ADAMTS16: variants seen among roughly 807,000 people sequenced by gnomAD.
ADAMTS16 encodes the protein ADAM metallopeptidase with thrombospondin type 1 motif 16, also known as A disintegrin and metalloproteinase with thrombospondin motifs 16.
In ADAMTS16, 94 loss-of-function variants were observed where a neutral mutation model predicts 145.8. That is an observed-to-expected ratio of 0.64 (90% CI 0.55 to 0.77). ADAMTS16 has a LOEUF of 0.77. Ranked by LOEUF, ADAMTS16 falls within the 30% of genes least tolerant of loss-of-function variation. The pLI, the probability that ADAMTS16 is intolerant of heterozygous loss-of-function variation, is 0.00. For synonymous variants in ADAMTS16, 659 were observed against 604.3 expected (o/e 1.09, Z -1.33); for missense variants, 1,585 against 1,591.5 (o/e 1.00, Z 0.07).
intron 10 of ADAMTS16, among the ~76,000 whole-genome samples, chr5:5,215,866 A>ATGTGTGTG (rs1299495343): frequency 9.9e-5 from 5 of 50,582 alleles, no homozygotes; most frequent in Admixed American, 2.5e-4. Flanking sequence ...TGTGGTGTGT[A>ATGTGTGTG]TGTGTATATA....
Position 5,218,458 on chromosome 5 carries a change from G to C in ADAMTS16, c.1606-4331G>C, listed in dbSNP as rs571002976. Reference sequence around the variant, plus strand: ...ACTCTTGGGCTCCGGCCCCACGGCAGCCTCTAGGAGTGGGTGTCTGCAACT... The same window carrying C: ...ACTCTTGGGCTCCGGCCCCACGGCACCCTCTAGGAGTGGGTGTCTGCAACT... On this transcript the variant is annotated intron_variant, in intron 10 of 22. Transcript: ENST00000274181. 1.2e-4 allele frequency among the ~76,000 whole-genome samples: 19 copies of C among 152,298 alleles called. No homozygotes were observed. The East Asian group carries it at 3.7e-3, about 29-fold the overall frequency.
intron 8 of ADAMTS16, among the ~76,000 whole-genome samples, chr5:5,197,382 TG>T (rs1735834378): frequency 6.6e-6 from 1 of 152,236 alleles, no homozygotes; most frequent in Non-Finnish European, 1.5e-5. Flanking sequence ...GATTTCCGTC[TG>T]GGTATTTGAG....
In ADAMTS16 at chr5:5,306,485, T is replaced by A; in HGVS notation, c.3187-19T>A. The A allele has an allele frequency of 6.3e-7, 1 of 1,592,878 alleles. No individual in the cohort carries two copies. ...AAAGAGATTTTTTTCACTGACTTCTTTTGTTCTCTTCTTTTTAGTGCTCTG... is the reference window on the plus strand; with the variant it reads ...AAAGAGATTTTTTTCACTGACTTCTATTGTTCTCTTCTTTTTAGTGCTCTG... On this transcript the variant is annotated intron_variant, in intron 20 of 22. Transcript: ENST00000274181.
chr5:5,234,888 A>AAAAAAAAAAAAAAAG (rs33928110), intron 12 of ADAMTS16, 126 bp from the exon 13 acceptor site: 1 of 352,982 alleles, frequency 2.8e-6, no homozygotes, highest in Non-Finnish European at 4.3e-6. Context: ...AAAAAAAAAA[A>AAAAAAAAAAAAAAAG]GAATCCACTT....
intron 3 of ADAMTS16, among the ~76,000 whole-genome samples, chr5:5,164,449 T>C (rs1387159535): frequency 6.6e-5 from 10 of 152,244 alleles, no homozygotes; most frequent in African/African-American, 2.4e-4. Flanking sequence ...CTCTGTGTTC[T>C]TTTGTAAGGA....
Position 5,146,278 on chromosome 5 carries a change from C to G in ADAMTS16, c.324C>G (p.Phe108Leu), listed in dbSNP as rs373039727. ...GGCTGAAAGGCTCCAGGCACGACTT[C>G]CACATGGATCTGAGGACTTCCAGCA... ...HLRLKGSRHD[F>L]HMDLRTSSSL... The change falls in exon 3 of 23, where the codon TTC becomes TTG. Residue 108 changes from phenylalanine to leucine, a missense_variant. This residue lies in a region of ADAMTS16 where 453 missense variants were observed against 412.1 expected (regional missense o/e 1.10). Transcript: ENST00000274181. 2 of 1,614,210 alleles carry G rather than the reference C, an allele frequency of 1.2e-6. No individual in the cohort carries two copies. The highest frequency in any genetic ancestry group is 4.5e-5 in the East Asian group (2 of 44,876).
chr5:5,168,279 T>A (rs1579284528), intron 3 of ADAMTS16, among the ~76,000 whole-genome samples: 1 of 151,536 alleles, frequency 6.6e-6, no homozygotes, highest in African/African-American at 2.4e-5. Flanking sequence ...GGTGTAAAAA[T>A]TAGCTCTTGA....
intron 11 of ADAMTS16, among the ~76,000 whole-genome samples, chr5:5,227,399 C>G (rs1736798173): frequency 6.6e-6 from 1 of 152,102 alleles, no homozygotes; most frequent in African/African-American, 2.4e-5. Flanking sequence ...CCTAAGAAAC[C>G]TAATTGGTAT....
chr5:5,233,810 G>C (rs1737012129), intron 12 of ADAMTS16, among the ~76,000 whole-genome samples: 1 of 152,164 alleles, frequency 6.6e-6, no homozygotes, highest in South Asian at 2.1e-4. Context: ...ACATTCATGT[G>C]CGTGTGTCTT....
chr5:5,276,229 C>T (rs1738690451), intron 18 of ADAMTS16, among the ~76,000 whole-genome samples: 2 of 152,136 alleles, frequency 1.3e-5, no homozygotes, highest in Admixed American at 6.5e-5. Context: ...GATTTAGGTC[C>T]ACCAATTTAT....
At chr5:5,238,031 C>T (rs751617158) in intron 14 of ADAMTS16, among the ~76,000 whole-genome samples, 1 of 152,086 alleles carries the variant, frequency 6.6e-6, no homozygotes, top group Admixed American at 6.5e-5. Flanking sequence ...AAATTATTGA[C>T]CATGGTAAAG....
At chr5:5,232,215 G>A (rs573721119) in intron 11 of ADAMTS16, among the ~76,000 whole-genome samples, 153 bp from the exon 12 acceptor site, 1 of 139,892 alleles carries the variant, frequency 7.1e-6, no homozygotes, top group South Asian at 2.4e-4. Context: ...TGAATGTACT[G>A]TATTTATATT....
At chr5:5,206,048 T>C (rs1736097582) in intron 9 of ADAMTS16, among the ~76,000 whole-genome samples, 2 of 152,224 alleles carry the variant, frequency 1.3e-5, no homozygotes, top group Admixed American at 6.5e-5. Flanking sequence ...GATTTTCTCC[T>C]ATGTTATTTT....
chr5:5,141,763 T>A (rs1393484539), intron 2 of ADAMTS16, among the ~76,000 whole-genome samples: 3 of 152,232 alleles, frequency 2.0e-5, no homozygotes, highest in Non-Finnish European at 4.4e-5. Context: ...ATGCATTAAC[T>A]TTTGAAATTA....
chr5:5,289,469 A>C (rs13172105), intron 18 of ADAMTS16, among the ~76,000 whole-genome samples: 34,067 of 152,166 alleles, frequency 0.22, 4,186 homozygotes, highest in Admixed American at 0.37. Flanking sequence ...AACATTCCCA[A>C]CAATGGGGTC....
chr5:5,310,262 C>CA lies in ADAMTS16; in HGVS notation c.3411+3535dup. On this transcript the variant is annotated intron_variant, in intron 21 of 22. Transcript: ENST00000274181. This position sits in a 1 kb window ranked among gnomAD's most constrained non-coding sequence, Gnocchi z 4.3. ...CCTCCAGCTCGTAGGACCCCACCCA[C>CA]ACTGCGCAGCCCATCTCTCATCCTT... is the stretch of plus-strand genomic sequence containing the variant. 6.6e-6 allele frequency among the ~76,000 whole-genome samples: 1 copy of CA among 152,242 alleles called. No homozygotes were observed. Among genetic ancestry groups the CA allele is most frequent in the Middle Eastern group, 3.4e-3 (1 of 292 alleles).
At chr5:5,146,604 T>A (rs1207647527) in intron 3 of ADAMTS16, 149 bp downstream of exon 3, 3 of 916,858 alleles carry the variant, frequency 3.3e-6, no homozygotes, top group Non-Finnish European at 4.8e-6. Context: ...AGTAAAACTT[T>A]TCCAAAAAAC....
intron 3 of ADAMTS16, among the ~76,000 whole-genome samples, chr5:5,149,135 A>G (rs1734378602): frequency 6.6e-6 from 1 of 152,226 alleles, no homozygotes; most frequent in African/African-American, 2.4e-5. Flanking sequence ...AGTATAATAT[A>G]TTCAATGGGA....
rs187384202 is a variant in ADAMTS16 at position 5,261,153 on chromosome 5, G to A, written c.2663-1504G>A. Among the ~76,000 whole-genome samples, 8 of 152,278 alleles carry A rather than the reference G, an allele frequency of 5.3e-5. No homozygotes were observed. In the South Asian group the frequency reaches 6.2e-4, roughly 12 times the overall value. On this transcript the variant is annotated intron_variant, in intron 17 of 22. Transcript: ENST00000274181. The stretch of plus-strand genomic sequence containing the variant: ...ATTTTATCCCCTACTGCATCAACTC[G>A]TTTGAGATAGGGTTTCCCTCTATCA...
Sources: gnomAD v4.1 joint callset for allele counts (sites outside exome capture counted in the v4.1 genomes callset) on GRCh38, gnomAD v4.1.1 for gene constraint, gnomAD v4.1.1 regional missense constraint, Gnocchi (gnomAD v3.1) non-coding constraint, MANE v1.5 for transcripts, NCBI Gene and HGNC (gene_info 2026-07-23, HGNC 2026-07-21) for gene names.